PHIP: variants seen among roughly 807,000 people sequenced by gnomAD.
PHIP encodes PH-interacting protein.
A neutral mutation model predicts 236.8 loss-of-function variants in PHIP; 54 were observed. The observed-to-expected ratio is 0.23, with a 90% CI of 0.18 to 0.29. The LOEUF is 0.29. Ranked by LOEUF, PHIP falls within the 10% of genes least tolerant of loss-of-function variation. The pLI is 1.00. For synonymous variants in PHIP, 756 were observed against 718.9 expected (o/e 1.05, Z -0.83); for missense variants, 1,370 against 2,190.8 (o/e 0.63, Z 7.48).
At position 78,950,363 on chromosome 6, in the gene PHIP, TAG is replaced by T. The variant is rs1472840990; in HGVS notation, c.4054-2590_4054-2589del. On this transcript the variant is annotated intron_variant, in intron 35 of 39. Transcript: ENST00000275034. ...GAGATCAGGGGAACACTGGTCTTCA[TAG>T]AGTGAGTTGGGAATTTTGAGTTTTT... Among the ~76,000 whole-genome samples the T allele has an allele frequency of 2.6e-5, 4 of 152,326 alleles. No homozygotes were observed. In the East Asian group the frequency reaches 7.7e-4, roughly 29 times the overall value.
rs567441099 is a variant in PHIP at position 79,045,591 on chromosome 6, G to C, written c.440-2588C>G. Reference sequence around the variant, plus strand: ...ACAAGATGGTTCAATTTAATTTATAGTTTTATGGCAGAAGGGCAAATGGCA... The same window carrying C: ...ACAAGATGGTTCAATTTAATTTATACTTTTATGGCAGAAGGGCAAATGGCA... On this transcript the variant is annotated intron_variant, in intron 6 of 39. Transcript: ENST00000275034. Among the ~76,000 whole-genome samples the C allele has an allele frequency of 2.2e-4, 34 of 152,134 alleles. No homozygotes were observed. The South Asian group carries it at 6.2e-3, about 28-fold the overall frequency.
chr6:79,011,208 A>G (rs775545924), intron 15 of PHIP, among the ~76,000 whole-genome samples: 2 of 151,934 alleles, frequency 1.3e-5, no homozygotes, highest in Non-Finnish European at 2.9e-5. Flanking sequence ...AATATACACT[A>G]CTTGCTTCAG....
Position 78,958,599 on chromosome 6 carries a change from G to A in PHIP, c.3658C>T (p.Arg1220Trp). 2 of 1,551,288 alleles carry A rather than the reference G, an allele frequency of 1.3e-6. No homozygotes were observed. The highest frequency in any genetic ancestry group is 1.8e-6 in the Non-Finnish European group (2 of 1,131,850). Residue 1220 changes from arginine (R) to tryptophan (W), a missense_variant and splice_region_variant, in exon 32 of 40, where the codon CGG (arginine) becomes TGG (tryptophan). Arg to Trp is a moderately radical substitution (Grantham distance 101). Around this residue, in one of 14 missense-constraint regions of PHIP, gnomAD observed 238 missense variants for 398.5 expected, o/e 0.60. Transcript: ENST00000275034. ...ACTTCCCACATTAGGGAAGAAACCC[G>A]CCTTAAAAAAACAAAATATAGAAGT... ...KQRLENRFYR[R>W]VSSLMWEVRY...
Position 78,954,950 on chromosome 6 carries a change from C to T in PHIP, c.3917G>A (p.Arg1306Lys). The change falls in exon 35 of 40, where the codon AGA (arginine) becomes AAA (lysine). Residue 1306 changes from arginine to lysine, a missense_variant. Physicochemically the swap from Arg to Lys is conservative, Grantham distance 26 (BLOSUM62 2). This residue lies in a region of PHIP where 125 missense variants were observed against 235.1 expected (regional missense o/e 0.53). Coordinates refer to ENST00000275034, the MANE Select transcript of PHIP (RefSeq NM_017934.7). ...STRKRKDHQP[R>K]RRLRNRAQSY... is the part of the protein sequence containing the mutation. ...CTGGGCTCTATTACGTAATCTTCTT[C>T]TAGGCTGATGGTCCTGTGATAAAAG... 1 of 1,562,112 alleles carries T rather than the reference C, an allele frequency of 6.4e-7. No homozygotes were observed. The highest frequency in any genetic ancestry group is 8.6e-7 in the Non-Finnish European group (1 of 1,161,178).
chr6:79,004,682 G>A (rs982694601), intron 15 of PHIP, among the ~76,000 whole-genome samples: 3 of 152,030 alleles, frequency 2.0e-5, no homozygotes, highest in Non-Finnish European at 4.4e-5. Flanking sequence ...TAGCAGAATC[G>A]GAACACACAC....
chr6:79,047,263 A>AT (rs2127763253), intron 6 of PHIP, among the ~76,000 whole-genome samples: 1 of 152,314 alleles, frequency 6.6e-6, no homozygotes, highest in Admixed American at 6.5e-5. Context: ...CTATGCGCAT[A>AT]TTCAGCCCTT....
chr6:78,941,135 T>C lies in PHIP; in HGVS notation c.5024A>G (p.Glu1675Gly). Residue 1675 changes from glutamate to glycine, a missense_variant, in exon 40 of 40, where the codon GAG (glutamate) becomes GGG (glycine). Around this residue, in one of 14 missense-constraint regions of PHIP, gnomAD observed 309 missense variants for 328.3 expected, o/e 0.94. Coordinates refer to ENST00000275034, the MANE Select transcript of PHIP (RefSeq NM_017934.7). The part of the protein sequence containing the change: ...KLQYAKPEDL[E>G]QNNVHPIRDE... ...TCTGATGGGATGCACATTATTTTGC[T>C]CTAAATCTTCTGGCTTTGCATACTG... 1 of 1,614,086 alleles carries C rather than the reference T, an allele frequency of 6.2e-7. No individual in the cohort carries two copies. The highest frequency in any genetic ancestry group is 8.5e-7 in the Non-Finnish European group (1 of 1,179,942).
At chr6:79,044,743 A>G (rs552578127) in intron 6 of PHIP, among the ~76,000 whole-genome samples, 60 of 152,310 alleles carry the variant, frequency 3.9e-4, no homozygotes, top group Admixed American at 2.0e-4. Context: ...ATAATATATC[A>G]AGACCCATTT....
intron 6 of PHIP, among the ~76,000 whole-genome samples, chr6:79,051,948 A>C (rs1772815961): frequency 6.6e-6 from 1 of 152,036 alleles, no homozygotes; most frequent in African/African-American, 2.4e-5. Context: ...CATTTTAATC[A>C]CTCAATTTTG....
rs1772726366 is a variant in PHIP at position 79,050,286 on chromosome 6, GGCACTATTCTAAATA to G, written c.440-7298_440-7284del. On this transcript the variant is annotated intron_variant, in intron 6 of 39. Transcript: ENST00000275034. ...TTACTGAGTGTTTTACTACATGCCA[GGCACTATTCTAAATA>G]TTTTACATATATTCTCATTTAATCC... 2.0e-5 allele frequency among the ~76,000 whole-genome samples: 3 copies of G among 152,204 alleles called. No individual in the cohort carries two copies. The South Asian group carries it at 6.2e-4, about 32-fold the overall frequency.
chr6:78,983,132 G>A lies in PHIP; in HGVS notation c.2538-15C>T. 1.5e-6 allele frequency: 2 copies of A among 1,347,880 alleles called. No individual in the cohort carries two copies. Among genetic ancestry groups the A allele is most frequent in the South Asian group, 2.7e-5 (2 of 74,362 alleles). The allele number at this position is 1,347,880 out of a possible 1,614,324, so 83.5% of individuals were successfully genotyped here. On this transcript the variant is annotated splice_polypyrimidine_tract_variant and intron_variant, in intron 22 of 39. Transcript: ENST00000275034. ...TGGAGTAGTCACTAGAAGGAGAGAAGGGATTATTAGATAACACACAAGATA... is the reference window on the plus strand; with the variant it reads ...TGGAGTAGTCACTAGAAGGAGAGAAAGGATTATTAGATAACACACAAGATA...
chr6:78,967,931 A>G (rs377556971), intron 27 of PHIP, among the ~76,000 whole-genome samples: 1 of 152,080 alleles, frequency 6.6e-6, no homozygotes, highest in East Asian at 1.9e-4. Context: ...TCAGGAGATC[A>G]AGACCATCCT....
intron 24 of PHIP, among the ~76,000 whole-genome samples, chr6:78,972,273 C>T (rs1767638938): frequency 1.3e-5 from 2 of 152,296 alleles, no homozygotes; most frequent in South Asian, 2.1e-4. Context: ...GGCACACTGA[C>T]ACCTCACACT....
rs746152497 is a variant in PHIP at position 79,003,829 on chromosome 6, A to G, written c.1554T>C (p.Phe518=). 1.9e-6 allele frequency: 3 copies of G among 1,608,970 alleles called. No homozygotes were observed. The highest frequency in any genetic ancestry group is 2.2e-5 in the South Asian group (2 of 90,508). Residue 518 remains phenylalanine, a synonymous_variant, in exon 16 of 40, where the codon TTT becomes TTC. Transcript: ENST00000275034. ...MIEGQGHGAV[F]DCKCSPDGQH... ...GACCATCAGGAGAGCATTTGCAGTC[A>G]AATACTGCGCCATGTCCTTGGCCTT...
Position 79,025,581 on chromosome 6 carries a change from A to T in PHIP, c.861T>A (p.Ser287=). 1 of 1,612,092 alleles carries T rather than the reference A, an allele frequency of 6.2e-7. No homozygotes were observed. Residue 287 remains serine (S), a synonymous_variant, in exon 9 of 40, where the codon TCT becomes TCA. Transcript: ENST00000275034. Reference sequence around the variant, plus strand: ...AAATAGTGCCATCTGCCCCAGTAGAAGATAGATATCTCTTTGAGCCACTGC... The same window carrying T: ...AAATAGTGCCATCTGCCCCAGTAGATGATAGATATCTCTTTGAGCCACTGC... ...PLCSGSKRYL[S]STGADGTICF...
At chr6:79,024,143 G>A (rs1771270263) in intron 9 of PHIP, among the ~76,000 whole-genome samples, 1 of 152,012 alleles carries the variant, frequency 6.6e-6, no homozygotes, top group South Asian at 2.1e-4. Flanking sequence ...TTTGTTACTC[G>A]AGCTACCATG....
At chr6:78,952,257 A>G (rs568795395) in intron 35 of PHIP, among the ~76,000 whole-genome samples, 1 of 152,040 alleles carries the variant, frequency 6.6e-6, no homozygotes, top group Non-Finnish European at 1.5e-5. Flanking sequence ...CACCTCTACT[A>G]AAAATATACA....
At chr6:78,951,776 C>T (rs1343104240) in intron 35 of PHIP, among the ~76,000 whole-genome samples, 2 of 152,144 alleles carry the variant, frequency 1.3e-5, no homozygotes, top group African/African-American at 4.8e-5. Context: ...GAACTACTTT[C>T]TTTATATAAA....
chr6:79,023,218 A>G (rs1026044815), intron 9 of PHIP, among the ~76,000 whole-genome samples: 1 of 152,188 alleles, frequency 6.6e-6, no homozygotes, highest in Non-Finnish European at 1.5e-5. Flanking sequence ...AGCTGGGACT[A>G]TAAGTGTGTA....
Sources: allele counts gnomAD v4.1 joint callset (sites outside exome capture counted in the v4.1 genomes callset), GRCh38; gene constraint gnomAD v4.1.1; regional missense constraint gnomAD v4.1.1; transcripts MANE v1.5; gene names NCBI Gene and HGNC (gene_info 2026-07-23, HGNC 2026-07-21).